SLC25A48: variants seen among roughly 807,000 people sequenced by gnomAD.
The protein encoded by SLC25A48 is CTC-321K16.1.
Under a neutral mutation model 32.2 loss-of-function variants are expected in SLC25A48, and 29 were observed. The observed-to-expected ratio is 0.90, with a 90% CI of 0.67 to 1.23. The LOEUF is 1.23. Ranked by LOEUF, SLC25A48 falls within the 50% of genes most tolerant of loss-of-function variation. The probability of loss-of-function intolerance (pLI) is 0.00; values close to 1 mark genes in which losing one functional copy is unlikely to be tolerated. For synonymous variants in SLC25A48, 164 were observed against 172.3 expected, an observed-to-expected ratio of 0.95 and a Z score of 0.38; for missense variants, 399 against 422.7, an observed-to-expected ratio of 0.94 and a Z score of 0.49.
In SLC25A48 at chr5:135,852,709, G is replaced by C; in HGVS notation, c.309G>C (p.Leu103=). 1.2e-6 allele frequency: 2 copies of C among 1,614,166 alleles called. No individual in the cohort carries two copies. The highest frequency in any genetic ancestry group is 8.5e-7 in the Non-Finnish European group (1 of 1,180,040). The part of the protein sequence containing the change: ...GEPEASPPRT[L]SDLLLASMVA... Reference sequence around the variant, plus strand: ...CAGAGGCCAGTCCTCCCCGCACGCTGTCAGACCTGCTCCTGGCCAGCATGG... The same window carrying C: ...CAGAGGCCAGTCCTCCCCGCACGCTCTCAGACCTGCTCCTGGCCAGCATGG... The change falls in exon 4 of 8, where the codon CTG becomes CTC. Residue 103 remains leucine (L), a synonymous_variant. Transcript: ENST00000681962.
chr5:135,653,139 A>G (rs1294864654), intron 3 of SLC25A48, among the ~76,000 whole-genome samples: 1 of 152,206 alleles, frequency 6.6e-6, no homozygotes, highest in East Asian at 1.9e-4. Flanking sequence ...TGGACTTTCC[A>G]GCCTCTAGAA....
intron 3 of SLC25A48, among the ~76,000 whole-genome samples, chr5:135,696,764 G>C (rs557712620): frequency 6.6e-6 from 1 of 152,290 alleles, no homozygotes; most frequent in African/African-American, 2.4e-5. Flanking sequence ...TATGCTCAGG[G>C]CTAGCCTGGG....
chr5:135,800,083 T>C (rs1757284423), intron 3 of SLC25A48, among the ~76,000 whole-genome samples: 1 of 151,574 alleles, frequency 6.6e-6, no homozygotes, highest in South Asian at 2.1e-4. Context: ...CCTGGTGATA[T>C]TGTTTCTAAT....
chr5:135,657,834 A>C (rs1753291463), intron 3 of SLC25A48, among the ~76,000 whole-genome samples: 1 of 152,234 alleles, frequency 6.6e-6, no homozygotes, highest in African/African-American at 2.4e-5. Flanking sequence ...TCTTTACTGT[A>C]GACCCTTCTG....
chr5:135,868,524 T>C (rs1189138703), intron 4 of SLC25A48, among the ~76,000 whole-genome samples: 1 of 152,212 alleles, frequency 6.6e-6, no homozygotes, highest in Non-Finnish European at 1.5e-5. Context: ...GCTATAGTTA[T>C]ATAAGACAAT....
chr5:135,831,619 G>T (rs11956751), upstream of SLC25A48, among the ~76,000 whole-genome samples: 28,847 of 152,204 alleles, frequency 0.19, 2,903 homozygotes, highest in Middle Eastern at 0.25. Context: ...AGCCAGGGGA[G>T]GAGGGAGAGG....
intron 3 of SLC25A48, among the ~76,000 whole-genome samples, chr5:135,694,216 C>G (rs369565851): frequency 6.6e-6 from 1 of 152,234 alleles, no homozygotes; most frequent in East Asian, 1.9e-4. Flanking sequence ...GTCTCCTGGG[C>G]GGCCTGGTAT....
chr5:135,814,789 A>G (rs1422677243), intron 4 of SLC25A48, among the ~76,000 whole-genome samples: 4 of 152,326 alleles, frequency 2.6e-5, no homozygotes, highest in South Asian at 4.1e-4. Context: ...TCCCACCTCC[A>G]TCATTCTACA....
chr5:135,815,656 G>A (rs887019923), intron 4 of SLC25A48, among the ~76,000 whole-genome samples: 1 of 152,158 alleles, frequency 6.6e-6, no homozygotes, highest in African/African-American at 2.4e-5. Flanking sequence ...TGTAAAATTA[G>A]TTCTATCCAT....
chr5:135,727,789 T>C (rs934246481), intron 3 of SLC25A48, among the ~76,000 whole-genome samples: 1 of 152,232 alleles, frequency 6.6e-6, no homozygotes, highest in Non-Finnish European at 1.5e-5. Context: ...ACAGTCTTGA[T>C]TGCTGTAGCT....
intron 4 of SLC25A48, among the ~76,000 whole-genome samples, chr5:135,864,469 A>G (rs1761041384): frequency 6.6e-6 from 1 of 152,190 alleles, no homozygotes; most frequent in Non-Finnish European, 1.5e-5. Flanking sequence ...ATGAAACCTT[A>G]TGTAGAAAGG....
intron 3 of SLC25A48, among the ~76,000 whole-genome samples, chr5:135,706,352 G>A (rs1226675669): frequency 6.6e-6 from 1 of 152,152 alleles, no homozygotes; most frequent in Non-Finnish European, 1.5e-5. Flanking sequence ...GCTCAGGCAA[G>A]CTTTGAATCA....
intron 3 of SLC25A48, among the ~76,000 whole-genome samples, chr5:135,799,621 C>T (rs1026711535): frequency 6.6e-6 from 1 of 151,546 alleles, no homozygotes; most frequent in East Asian, 2.0e-4. Flanking sequence ...GGGCTGGTCA[C>T]CCACCATGTA....
intron 1 of SLC25A48, among the ~76,000 whole-genome samples, chr5:135,612,490 C>G (rs1022162302): frequency 6.6e-6 from 1 of 152,142 alleles, no homozygotes; most frequent in African/African-American, 2.4e-5. Flanking sequence ...CTATCTGTAT[C>G]GTCTGTCCCC....
At chr5:135,804,590 A>G (rs896402828) in intron 3 of SLC25A48, among the ~76,000 whole-genome samples, 1 of 151,300 alleles carries the variant, frequency 6.6e-6, no homozygotes, top group Admixed American at 6.6e-5. Context: ...GTGTAGAGAT[A>G]TTACCCTTAA....
chr5:135,611,946 C>T (rs551961218), intron 1 of SLC25A48, among the ~76,000 whole-genome samples: 1 of 152,162 alleles, frequency 6.6e-6, no homozygotes, highest in Non-Finnish European at 1.5e-5. Context: ...TAGTTGCCTT[C>T]CAAGAAAACT....
chr5:135,634,378 C>A (rs1752648864), intron 2 of SLC25A48, among the ~76,000 whole-genome samples: 1 of 152,212 alleles, frequency 6.6e-6, no homozygotes, highest in African/African-American at 2.4e-5. Flanking sequence ...TGAGCTGTGA[C>A]CCAAGGAGTG....
At chr5:135,709,618 G>A (rs1754605588) in intron 3 of SLC25A48, among the ~76,000 whole-genome samples, 2 of 152,260 alleles carry the variant, frequency 1.3e-5, no homozygotes, top group South Asian at 4.1e-4. Flanking sequence ...AAGAAGCACA[G>A]CATGGTGTCT....
At chr5:135,800,563 G>A (rs555608897) in intron 3 of SLC25A48, among the ~76,000 whole-genome samples, 2 of 152,000 alleles carry the variant, frequency 1.3e-5, no homozygotes, top group East Asian at 3.9e-4. Flanking sequence ...CAGAGGAAGA[G>A]GGAGGATGAA....
Sources: gnomAD v4.1 joint callset for allele counts (sites outside exome capture counted in the v4.1 genomes callset) on GRCh38, gnomAD v4.1.1 for gene constraint, MANE v1.5 for transcripts, NCBI Gene and HGNC (gene_info 2026-07-23, HGNC 2026-07-21) for gene names.